The following MICAL2 variants were observed in gnomAD, a reference collection of about 807,000 sequenced individuals.
The protein encoded by MICAL2 is [F-actin]-monooxygenase MICAL2.
Under a neutral mutation model 127.3 loss-of-function variants are expected in MICAL2, and 77 were observed. The observed-to-expected ratio is 0.60, with a 90% confidence interval of 0.50 to 0.73. The LOEUF (loss-of-function observed/expected upper bound fraction) is 0.73, where lower values mean the gene tolerates loss of function less well. MICAL2 is among the 30% of genes least tolerant of loss of function. The probability of loss-of-function intolerance (pLI) is 0.00; values close to 1 mark genes in which losing one functional copy is unlikely to be tolerated. For missense variants in MICAL2, 1,351 were observed against 1,434.4 expected, an observed-to-expected ratio of 0.94 and a Z score of 0.94; for synonymous variants, 570 against 551.1, an observed-to-expected ratio of 1.03 and a Z score of -0.48.
chr11:12,250,118 A>G (rs1048707614), intron 22 of MICAL2: 1 of 152,142 alleles, frequency 6.6e-6, no homozygotes, highest in Admixed American at 6.5e-5. Flanking sequence ...CCGTGTTTCT[A>G]TCTAGATTGG....
chr11:12,153,087 GT>G (rs1476272198), intron 2 of MICAL2: 1 of 152,026 alleles, frequency 6.6e-6, no homozygotes, highest in African/African-American at 2.4e-5. Context: ...CTGGAGTGCA[GT>G]GGCATGATCA....
chr11:12,291,858 T>G (rs968483237), downstream of MICAL2, among the ~76,000 whole-genome samples: 5 of 152,180 alleles, frequency 3.3e-5, no homozygotes, highest in African/African-American at 1.2e-4. Flanking sequence ...TAAGAAATGT[T>G]CTGGAAATGC....
At chr11:12,237,723 G>A (rs942969359) in intron 16 of MICAL2, among the ~76,000 whole-genome samples, 48 of 152,288 alleles carry the variant, frequency 3.2e-4, no homozygotes, top group African/African-American at 1.0e-3. Context: ...CTAAATTCTT[G>A]CTACTCAAAA....
intron 24 of MICAL2, among the ~76,000 whole-genome samples, chr11:12,269,857 C>G (rs1863655043): frequency 1.3e-5 from 2 of 152,216 alleles, no homozygotes; most frequent in African/African-American, 4.8e-5. Context: ...CGGGCCAGGT[C>G]CACTCCTGGA....
In MICAL2 at chr11:12,342,919, C is replaced by T. The variant is rs148045138; in HGVS notation, c.5516-6919C>T. On this transcript the variant is annotated intron_variant, in intron 32 of 34. Coordinates refer to the MICAL2 transcript ENST00000646065. The stretch of plus-strand genomic sequence containing the variant: ...CAGGACCCACAGGAAGGAATCTTAC[C>T]GGGAGGGGGCAGGGAGCTGATGGAA... Among the ~76,000 whole-genome samples, 89 of 152,180 alleles carry T rather than the reference C, an allele frequency of 5.8e-4. 1 individual carries two copies. The East Asian group carries it at 0.013, about 22-fold the overall frequency.
At chr11:12,140,074 G>A (rs1852198994) in intron 2 of MICAL2, among the ~76,000 whole-genome samples, 1 of 152,054 alleles carries the variant, frequency 6.6e-6, no homozygotes, top group African/African-American at 2.4e-5. Context: ...CCATTGGCAG[G>A]GTGAAACATA....
intron 3 of MICAL2, among the ~76,000 whole-genome samples, chr11:12,190,819 A>C (rs920365780): frequency 6.6e-6 from 1 of 152,260 alleles, no homozygotes; most frequent in Non-Finnish European, 1.5e-5. Flanking sequence ...TTTAAGTAGC[A>C]GGACTTCAAC....
At chr11:12,360,812 T>C (rs150407246), downstream of MICAL2, among the ~76,000 whole-genome samples, 4 of 152,332 alleles carry the variant, frequency 2.6e-5, no homozygotes, top group East Asian at 7.7e-4. Flanking sequence ...CTGGCCAAGT[T>C]AAAACGTAAA....
chr11:12,329,544 C>T lies in MICAL2; in HGVS notation c.5515+2278C>T, dbSNP rs184976915. The stretch of plus-strand genomic sequence containing the variant: ...CCTGTGTTCAAATTCTATTCCACTC[C>T]GCTTAGGCTGAATAGTCCTGGGAAA... On this transcript the variant is annotated intron_variant, in intron 32 of 34. Coordinates refer to the MICAL2 transcript ENST00000646065. Among the ~76,000 whole-genome samples the T allele has an allele frequency of 1.5e-3, 225 of 152,294 alleles. 5 individuals are homozygous for T. In the South Asian group the frequency reaches 0.03, roughly 20 times the overall value.
chr11:12,217,093 A>C (rs1856263151), intron 8 of MICAL2, among the ~76,000 whole-genome samples: 1 of 152,210 alleles, frequency 6.6e-6, no homozygotes, highest in African/African-American at 2.4e-5. Context: ...GTGGCCCCTG[A>C]CTGGAAGCTT....
chr11:12,195,127 T>C (rs570307397), intron 3 of MICAL2, among the ~76,000 whole-genome samples: 2 of 152,162 alleles, frequency 1.3e-5, no homozygotes, highest in South Asian at 4.2e-4. Context: ...TGTGGTGGTG[T>C]GTATCTATAG....
chr11:12,355,529 A>G (rs997214502), intron 34 of MICAL2, among the ~76,000 whole-genome samples: 2 of 152,232 alleles, frequency 1.3e-5, no homozygotes, highest in African/African-American at 4.8e-5. Flanking sequence ...TGACCTTCCC[A>G]TATTCAGACC....
chr11:12,242,919 C>T, intron 20 of MICAL2, 147 bp downstream of exon 20: 1 of 556,818 alleles, frequency 1.8e-6, no homozygotes, highest in Non-Finnish European at 3.1e-6. Context: ...CCAAATAATA[C>T]AAGCTGGCAT....
At chr11:12,274,812 T>A (rs1863707178), upstream of MICAL2, 1 of 152,150 alleles carries the variant, frequency 6.6e-6, no homozygotes. Context: ...TCACCCTGAG[T>A]AAATGAGGGG....
chr11:12,158,445 CT>C (rs1451441588), intron 2 of MICAL2, among the ~76,000 whole-genome samples: 1 of 151,908 alleles, frequency 6.6e-6, no homozygotes, highest in Non-Finnish European at 1.5e-5. Context: ...AGGTGGCCCT[CT>C]GCATCCATTG....
intron 2 of MICAL2, among the ~76,000 whole-genome samples, chr11:12,149,212 T>C (rs1853303693): frequency 1.3e-5 from 2 of 152,030 alleles, no homozygotes; most frequent in South Asian, 4.1e-4. Flanking sequence ...ATCGGGAAAT[T>C]ACAAATGGTT....
intron 33 of MICAL2, among the ~76,000 whole-genome samples, chr11:12,352,820 G>A (rs897978457): frequency 2.6e-5 from 4 of 152,214 alleles, no homozygotes; most frequent in African/African-American, 9.6e-5. Flanking sequence ...GAATTGGGCA[G>A]GAGGAGCCCC....
At chr11:12,292,002 G>T, downstream of MICAL2, 1 of 1,026,554 alleles carries the variant, frequency 9.7e-7, no homozygotes, top group Non-Finnish European at 1.4e-6. Context: ...CCACGCCTTG[G>T]GCACCAGGAA....
At chr11:12,122,099 A>T (rs1564987146) in intron 1 of MICAL2, among the ~76,000 whole-genome samples, 1 of 152,218 alleles carries the variant, frequency 6.6e-6, no homozygotes, top group Non-Finnish European at 1.5e-5. Flanking sequence ...TCACAGACAG[A>T]CCATGGGTTT....
Sources: allele counts gnomAD v4.1 joint callset (sites outside exome capture counted in the v4.1 genomes callset), GRCh38; gene constraint gnomAD v4.1.1; transcripts MANE v1.5; gene names NCBI Gene and HGNC (gene_info 2026-07-23, HGNC 2026-07-21).